Variants in CATSPER4 observed in about 807,000 individuals in gnomAD.
CATSPER4 encodes cation channel sperm associated 4.
In CATSPER4, 46 loss-of-function variants were observed where a neutral mutation model predicts 54.4. That is an observed-to-expected ratio of 0.84 (90% CI 0.67 to 1.08). The LOEUF (loss-of-function observed/expected upper bound fraction) is 1.08. Ranked by LOEUF, CATSPER4 falls within the 50% of genes least tolerant of loss-of-function variation. The probability of loss-of-function intolerance (pLI) is 0.00; values close to 1 mark genes in which losing one functional copy is unlikely to be tolerated. For synonymous variants in CATSPER4, 230 were observed against 231.9 expected, an observed-to-expected ratio of 0.99 and a Z score of 0.08; for missense variants, 574 against 612.8, an observed-to-expected ratio of 0.94 and a Z score of 0.67.
intron 2 of CATSPER4, 110 bp downstream of exon 2, chr1:26,191,540 C>A: frequency 1.6e-6 from 2 of 1,261,076 alleles, no homozygotes; most frequent in South Asian, 2.5e-5. Flanking sequence ...ATTGGATGCT[C>A]TTCAAGGGTC....
intron 8 of CATSPER4, 56 bp downstream of exon 8, chr1:26,201,097 C>A (rs2089002476): frequency 7.1e-7 from 1 of 1,416,782 alleles, no homozygotes; most frequent in Non-Finnish European, 1.0e-6. Flanking sequence ...CTGGGCGGAG[C>A]GTCAGAGTCT....
At chr1:26,191,015 T>C (rs2088861173) in intron 1 of CATSPER4, among the ~76,000 whole-genome samples, 175 bp downstream of exon 1, 2 of 151,972 alleles carry the variant, frequency 1.3e-5, no homozygotes, top group Non-Finnish European at 2.9e-5. Context: ...ATGCCCCCCA[T>C]AGGAACCCTT....
chr1:26,202,786 A>G lies in CATSPER4; in HGVS notation c.*244A>G. ...AGTGGGAACCCTAGCAGCAAGGATG[A>G]GCACAGAAGGGGGTGCTGGCCAACG... On this transcript the variant is annotated 3_prime_UTR_variant, in exon 10 of 10. Coordinates refer to ENST00000456354, the MANE Select transcript of CATSPER4 (RefSeq NM_198137.2). The G allele has an allele frequency of 1.7e-6, 1 of 576,306 alleles. No individual in the cohort carries two copies. Among genetic ancestry groups the G allele is most frequent in the Non-Finnish European group, 3.1e-6 (1 of 321,638 alleles). The allele number at this position is 576,306 out of a possible 1,614,324, so 35.7% of individuals were successfully genotyped here.
In CATSPER4 at chr1:26,191,486, G is replaced by T. The variant is rs113478680; in HGVS notation, c.357+56G>T. 2.3e-5 allele frequency: 36 copies of T among 1,590,296 alleles called. No homozygotes were observed. In the African/African-American group the frequency reaches 2.8e-4, roughly 12 times the overall value. On this transcript the variant is annotated intron_variant, in intron 2 of 9. Coordinates refer to ENST00000456354, the MANE Select transcript of CATSPER4 (RefSeq NM_198137.2). The stretch of plus-strand genomic sequence containing the variant: ...AACCCTAATGGGGGGCCTGGGGCAA[G>T]AACTCTTCCGGCCTCAGGCTCCTCA...
intron 7 of CATSPER4, 35 bp from the exon 8 acceptor site, chr1:26,200,795 G>A: frequency 6.4e-7 from 1 of 1,568,692 alleles, no homozygotes; most frequent in Non-Finnish European, 8.8e-7. Context: ...GCCTGCCTGA[G>A]CTGTCCCGAC....
rs745874566 is a variant in CATSPER4 at position 26,201,497 on chromosome 1, G to C, written c.1343G>C (p.Ser448Thr). Residue 448 changes from serine (S) to threonine (T), a missense_variant, in exon 9 of 10, where the codon AGT becomes ACT. Coordinates refer to ENST00000456354, the MANE Select transcript of CATSPER4 (RefSeq NM_198137.2). ...RQMSQQQDLL[S>T]ALVSMEKVHD... is the part of the protein sequence containing the mutation. ...ATGTCTCAACAGCAAGACTTGCTCA[G>C]TGCGCTCGTTAGCATGGAAAAGGTG... 6.2e-7 allele frequency: 1 copy of C among 1,614,044 alleles called. No homozygotes were observed. Among genetic ancestry groups the C allele is most frequent in the Non-Finnish European group, 8.5e-7 (1 of 1,179,978 alleles).
intron 2 of CATSPER4, among the ~76,000 whole-genome samples, chr1:26,193,254 A>G (rs894109866): frequency 1.1e-4 from 16 of 152,018 alleles, no homozygotes; most frequent in Middle Eastern, 3.2e-3. Flanking sequence ...TCCAGGGTGC[A>G]TGTCCTGGAC....
chr1:26,191,340 C>T lies in CATSPER4; in HGVS notation c.267C>T (p.Leu89=). 6.2e-7 allele frequency: 1 copy of T among 1,614,158 alleles called. No homozygotes were observed. Among genetic ancestry groups the T allele is most frequent in the Non-Finnish European group, 8.5e-7 (1 of 1,180,036 alleles). ...CTCACATGTACATCAAGCAGCTGCT[C>T]CGACACCCCGCCTTCCAACTGCTGC... ...FITHMYIKQL[L]RHPAFQLLLA... Residue 89 remains leucine (L), a synonymous_variant, in exon 2 of 10, where the codon CTC becomes CTT. Transcript: ENST00000456354.
In CATSPER4 at chr1:26,191,358, A is replaced by T. The variant is rs764323538; in HGVS notation, c.285A>T (p.Gln95His). ...IKQLLRHPAF[Q>H]LLLALLLVIN... Reference sequence around the variant, plus strand: ...AGCTGCTCCGACACCCCGCCTTCCAACTGCTGCTGGCCCTGCTGCTGGTGA... The same window carrying T: ...AGCTGCTCCGACACCCCGCCTTCCATCTGCTGCTGGCCCTGCTGCTGGTGA... The change falls in exon 2 of 10, where the codon CAA (glutamine) becomes CAT (histidine). Residue 95 changes from glutamine to histidine, a missense_variant. Physicochemically the swap from Gln to His is conservative, Grantham distance 24. Transcript: ENST00000456354. The T allele has an allele frequency of 5.6e-6, 9 of 1,614,030 alleles. No individual in the cohort carries two copies. The South Asian group carries it at 9.9e-5, about 18-fold the overall frequency.
intron 8 of CATSPER4, 21 bp downstream of exon 8, chr1:26,201,062 T>C (rs2089002050): frequency 6.3e-7 from 1 of 1,579,150 alleles, no homozygotes; most frequent in East Asian, 2.2e-5. Context: ...GTACTGGGGC[T>C]GCCCCCAAGT....
chr1:26,202,353 A>G (rs2089017503), intron 9 of CATSPER4, 136 bp from the exon 10 acceptor site: 1 of 763,942 alleles, frequency 1.3e-6, no homozygotes, highest in Non-Finnish European at 2.3e-6. Context: ...GGTACTAGGT[A>G]GGCTCAAGTT....
chr1:26,191,229 C>G (rs945046902), intron 1 of CATSPER4, 58 bp from the exon 2 acceptor site: 2 of 1,605,078 alleles, frequency 1.2e-6, no homozygotes, highest in African/African-American at 2.7e-5. Context: ...GAGCAAACCC[C>G]CAGGCAGAGG....
intron 3 of CATSPER4, 114 bp from the exon 4 acceptor site, chr1:26,197,572 C>T: frequency 2.7e-6 from 2 of 753,430 alleles, no homozygotes; most frequent in Non-Finnish European, 4.7e-6. Context: ...AGCTGACTGG[C>T]CCTGCTCTGA....
At chr1:26,193,560 T>C (rs139491720) in intron 2 of CATSPER4, among the ~76,000 whole-genome samples, 193 of 152,324 alleles carry the variant, frequency 1.3e-3, no homozygotes, top group Non-Finnish European at 2.1e-3. Context: ...AAACCTACTT[T>C]GCAGGACAAC....
intron 9 of CATSPER4, 87 bp downstream of exon 9, chr1:26,201,606 AG>A (rs1338414879): frequency 7.4e-7 from 1 of 1,349,128 alleles, no homozygotes; most frequent in African/African-American, 1.4e-5. Flanking sequence ...CATTTGTCAA[AG>A]TTTCTGTCTA....
chr1:26,191,027 T>C (rs926497205), intron 1 of CATSPER4, among the ~76,000 whole-genome samples, 187 bp downstream of exon 1: 1 of 152,068 alleles, frequency 6.6e-6, no homozygotes, highest in Non-Finnish European at 1.5e-5. Flanking sequence ...GGAACCCTTA[T>C]ATAACGATCA....
chr1:26,191,617 C>A (rs747912994), intron 2 of CATSPER4, among the ~76,000 whole-genome samples, 187 bp downstream of exon 2: 1 of 152,140 alleles, frequency 6.6e-6, no homozygotes, highest in African/African-American at 2.4e-5. Context: ...GGCTCTGCAG[C>A]CTGGCTTTGA....
rs1319063830 is a variant in CATSPER4, at chr1:26,197,531, G to C, written c.460-155G>C. Among the ~76,000 whole-genome samples the C allele has an allele frequency of 2.0e-5, 3 of 152,230 alleles. No homozygotes were observed. In the South Asian group the frequency reaches 6.2e-4, roughly 32 times the overall value. Reference sequence around the variant, plus strand: ...TACACGTGTGTTTTGTGGCTTGTTTGGGGGGCGGCAGGGTAACAGCAGTGG... The same window carrying C: ...TACACGTGTGTTTTGTGGCTTGTTTCGGGGGCGGCAGGGTAACAGCAGTGG... On this transcript the variant is annotated intron_variant, in intron 3 of 9. Coordinates refer to ENST00000456354, the MANE Select transcript of CATSPER4 (RefSeq NM_198137.2).
Position 26,197,788 on chromosome 1 carries a change from G to A in CATSPER4, c.557+5G>A. ...CTCCATCAACTACACTCTCAGGTGA[G>A]CGGGGAGCTCTGGAGAAATGAGGGG... On this transcript the variant is annotated splice_donor_5th_base_variant and intron_variant, in intron 4 of 9. Transcript: ENST00000456354. 6.2e-7 allele frequency: 1 copy of A among 1,612,254 alleles called. No individual in the cohort carries two copies. The highest frequency in any genetic ancestry group is 8.5e-7 in the Non-Finnish European group (1 of 1,178,326).
Sources: gnomAD v4.1 joint callset for allele counts (sites outside exome capture counted in the v4.1 genomes callset) on GRCh38, gnomAD v4.1.1 for gene constraint, MANE v1.5 for transcripts, NCBI Gene and HGNC (gene_info 2026-07-23, HGNC 2026-07-21) for gene names.